DNAH14: variants seen among roughly 807,000 people sequenced by gnomAD.
The protein encoded by DNAH14 is axonemal beta dynein heavy chain 14.
A neutral mutation model predicts 520.9 loss-of-function variants in DNAH14; 478 were observed. The ratio of observed to expected loss-of-function variants is 0.92; its 90% CI spans 0.85 to 0.99. The LOEUF (loss-of-function observed/expected upper bound fraction) is 0.99, where lower values mean the gene tolerates loss of function less well. DNAH14 is among the 50% of genes least tolerant of loss of function. The probability of loss-of-function intolerance (pLI) is 0.00; values close to 1 mark genes in which losing one functional copy is unlikely to be tolerated. For synonymous variants in DNAH14, 1,581 were observed against 1,757.2 expected (o/e 0.90, Z 2.51); for missense variants, 4,831 against 5,234.5 (o/e 0.92, Z 2.38).
intron 60 of DNAH14, among the ~76,000 whole-genome samples, chr1:225,315,789 C>T (rs757354460): frequency 6.6e-6 from 1 of 152,206 alleles, no homozygotes; most frequent in Non-Finnish European, 1.5e-5. Flanking sequence ...AAGATTGCTG[C>T]CTGCTCCTTC....
At chr1:225,184,200 C>T (rs2084389980) in intron 36 of DNAH14, among the ~76,000 whole-genome samples, 1 of 152,162 alleles carries the variant, frequency 6.6e-6, no homozygotes. Context: ...TACTAGCAAA[C>T]TAAATCCAGC....
chr1:225,240,213 A>G (rs1377267525), intron 42 of DNAH14, among the ~76,000 whole-genome samples: 2 of 151,392 alleles, frequency 1.3e-5, no homozygotes, highest in Admixed American at 1.3e-4. Context: ...ATAAAAATGA[A>G]ACATTTTTAT....
At chr1:225,251,870 T>G (rs1216674638) in intron 43 of DNAH14, among the ~76,000 whole-genome samples, 2 of 152,186 alleles carry the variant, frequency 1.3e-5, no homozygotes, top group Non-Finnish European at 2.9e-5. Context: ...GCTAAATTAG[T>G]TTACTTTTAT....
intron 10 of DNAH14, among the ~76,000 whole-genome samples, chr1:225,008,618 G>A (rs1267458470): frequency 8.3e-6 from 1 of 120,576 alleles, no homozygotes; most frequent in Non-Finnish European, 1.7e-5. Flanking sequence ...GTAGAGACAG[G>A]GTTTCACTGT....
intron 23 of DNAH14, among the ~76,000 whole-genome samples, chr1:225,101,645 A>G (rs945224425): frequency 6.6e-5 from 10 of 152,150 alleles, no homozygotes; most frequent in Admixed American, 2.0e-4. Context: ...TTTACTTAAC[A>G]TAATGACCTG....
At chr1:224,944,843 A>G (rs545388750) in intron 1 of DNAH14, among the ~76,000 whole-genome samples, 15 of 152,272 alleles carry the variant, frequency 9.9e-5, no homozygotes, top group Non-Finnish European at 1.9e-4. Flanking sequence ...TGGCTTGTAG[A>G]GTTTCTGCTG....
chr1:225,074,053 G>C (rs908868717), intron 17 of DNAH14, among the ~76,000 whole-genome samples: 13 of 129,756 alleles, frequency 1.0e-4, no homozygotes, highest in Non-Finnish European at 2.0e-4. Flanking sequence ...AGGCTGGAGT[G>C]CAGTAGTGGG....
rs141334390 is a variant in DNAH14 at position 225,381,392 on chromosome 1, C to T, written c.12890C>T (p.Pro4297Leu). Residue 4297 changes from proline (P) to leucine (L), a missense_variant, in exon 81 of 86, where the codon CCC (proline) becomes CTC (leucine). By Grantham distance (98) the Pro-to-Leu change is moderately conservative. Coordinates refer to ENST00000682510, the MANE Select transcript of DNAH14 (RefSeq NM_001367479.1). ...TCTTTTTAAAATCCAGATCACGACC[C>T]CCTTATCCATTGTGTCTTGCTAACC... The part of the protein sequence containing the change: ...SLSKNLKDHD[P>L]LIHCVLLTFL... 1,862 of 1,544,844 alleles carry T rather than the reference C, an allele frequency of 1.2e-3. 22 individuals are homozygous for T. The African/African-American group carries it at 0.022, about 18-fold the overall frequency.
At position 224,929,834 on chromosome 1, in the gene DNAH14, G is replaced by C; in HGVS notation, c.-35G>C. 1.4e-6 allele frequency: 1 copy of C among 689,840 alleles called. No homozygotes were observed. Among genetic ancestry groups the C allele is most frequent in the Non-Finnish European group, 2.7e-6 (1 of 376,146 alleles). 42.7% of individuals were successfully genotyped at this position (689,840 alleles called of 1,614,324 possible). Reference sequence around the variant, plus strand: ...AACGGCCGTCGGACCACGGCGCGGCGGGTAAGGTCGTCAGCGTCTTCCTGT... The same window carrying C: ...AACGGCCGTCGGACCACGGCGCGGCCGGTAAGGTCGTCAGCGTCTTCCTGT... On this transcript the variant is annotated splice_region_variant and 5_prime_UTR_variant, in exon 1 of 86. Transcript: ENST00000682510.
intron 36 of DNAH14, among the ~76,000 whole-genome samples, chr1:225,181,486 A>G (rs943589539): frequency 2.6e-5 from 4 of 152,304 alleles, no homozygotes; most frequent in Middle Eastern, 3.4e-3. Context: ...CATCACCAGC[A>G]TATGTTTTTG....
intron 64 of DNAH14, among the ~76,000 whole-genome samples, chr1:225,326,287 C>T (rs1441121561): frequency 1.3e-5 from 2 of 152,104 alleles, no homozygotes; most frequent in Non-Finnish European, 2.9e-5. Context: ...ACTCTAAAGC[C>T]CACGCACTTA....
chr1:225,010,167 T>G (rs1558670423), intron 10 of DNAH14, among the ~76,000 whole-genome samples: 1 of 152,236 alleles, frequency 6.6e-6, no homozygotes, highest in Non-Finnish European at 1.5e-5. Context: ...ATCCTTGTCT[T>G]GTGCCAGTTT....
intron 15 of DNAH14, among the ~76,000 whole-genome samples, chr1:225,044,568 C>A (rs977159592): frequency 6.6e-6 from 1 of 152,048 alleles, no homozygotes. Flanking sequence ...TTATGCAAGT[C>A]CCAGTAATTC....
chr1:225,038,854 G>T (rs964717259), intron 12 of DNAH14, 31 bp downstream of exon 12: 3 of 1,427,624 alleles, frequency 2.1e-6, no homozygotes, highest in African/African-American at 1.5e-5. Flanking sequence ...TATAAACATA[G>T]ATTTTTTGCT....
At chr1:225,162,495 T>A (rs902357178) in intron 35 of DNAH14, among the ~76,000 whole-genome samples, 1 of 152,194 alleles carries the variant, frequency 6.6e-6, no homozygotes, top group East Asian at 1.9e-4. Context: ...GTTCTTTTTG[T>A]TCAGGATAGC....
intron 79 of DNAH14, 121 bp from the exon 80 acceptor site, chr1:225,380,038 T>C (rs963256179): frequency 1.0e-6 from 1 of 1,000,910 alleles, no homozygotes; most frequent in African/African-American, 1.6e-5. Context: ...CATCCTACAG[T>C]GGTATAGAAC....
rs1558381203 is a variant in DNAH14, at chr1:225,322,716, ATTC to A, written c.9393_9395del (p.Leu3132del). 11 of 1,551,536 alleles carry A rather than the reference ATTC, an allele frequency of 7.1e-6. No homozygotes were observed. The highest frequency in any genetic ancestry group is 8.7e-6 in the Non-Finnish European group (10 of 1,146,884). On this transcript the variant is annotated inframe_deletion, in exon 62 of 86. Transcript: ENST00000682510. ...ACTGACTGTCATGAATGCAGTGTGT[ATTC>A]TTCTGCAAAAGAAACCTAACTGGGC...
In DNAH14 at chr1:225,114,944, G is replaced by A. The variant is rs1410821397; in HGVS notation, c.3868-2740G>A. On this transcript the variant is annotated intron_variant, in intron 23 of 85. Transcript: ENST00000682510. ...AAAGTTAAAACCAGGTACTATGAATGCTTACCTTTGTATGAAGATGCTTTT... is the reference window on the plus strand; with the variant it reads ...AAAGTTAAAACCAGGTACTATGAATACTTACCTTTGTATGAAGATGCTTTT... Among the ~76,000 whole-genome samples the A allele has an allele frequency of 2.0e-5, 3 of 152,298 alleles. No individual in the cohort carries two copies. The East Asian group carries it at 5.8e-4, about 29-fold the overall frequency.
chr1:225,007,423 C>A lies in DNAH14; in HGVS notation c.986C>A (p.Ser329Tyr). The part of the protein sequence containing the change: ...SAICLVKLDS[S>Y]RTYSLDEFCE... ...CTATCATCTAATTAGCTGGATAGTT[C>A]TCGAACATATTCTCTAGATGAATTT... is the stretch of plus-strand genomic sequence containing the variant. Residue 329 changes from serine (S) to tyrosine (Y), a missense_variant, in exon 10 of 86, where the codon TCT (serine) becomes TAT (tyrosine). Physicochemically the swap from Ser to Tyr is moderately radical, Grantham distance 144 (BLOSUM62 -2). Coordinates refer to ENST00000682510, the MANE Select transcript of DNAH14 (RefSeq NM_001367479.1). 1 of 1,534,934 alleles carries A rather than the reference C, an allele frequency of 6.5e-7. No individual in the cohort carries two copies. Among genetic ancestry groups the A allele is most frequent in the South Asian group, 1.2e-5 (1 of 81,602 alleles).
Sources: gnomAD v4.1 joint callset for allele counts (sites outside exome capture counted in the v4.1 genomes callset) on GRCh38, gnomAD v4.1.1 for gene constraint, MANE v1.5 for transcripts, NCBI Gene and HGNC (gene_info 2026-07-23, HGNC 2026-07-21) for gene names.